RBFOX1: variants seen among roughly 807,000 people sequenced by gnomAD.
RBFOX1 encodes the protein RNA binding fox-1 homolog 1.
A neutral mutation model predicts 57.7 loss-of-function variants in RBFOX1; 8 were observed. The observed-to-expected ratio is 0.14, with a 90% CI of 0.08 to 0.25. The LOEUF (loss-of-function observed/expected upper bound fraction) is 0.25, where lower values mean the gene tolerates loss of function less well. Ranked by LOEUF, RBFOX1 falls within the 10% of genes least tolerant of loss-of-function variation. The probability of loss-of-function intolerance (pLI) is 1.00; values close to 1 mark genes in which losing one functional copy is unlikely to be tolerated. For synonymous variants in RBFOX1, 326 were observed against 222.4 expected (o/e 1.47, Z -4.15); for missense variants, 611 against 548.5 (o/e 1.11, Z -1.14).
chr16:5,558,508 A>T (rs556130375), intron 2 of RBFOX1, among the ~76,000 whole-genome samples: 4 of 152,134 alleles, frequency 2.6e-5, no homozygotes, highest in African/African-American at 9.7e-5. Context: ...TGTACCCTGT[A>T]CAAACTACCT....
intron 4 of RBFOX1, among the ~76,000 whole-genome samples, chr16:7,324,722 G>A (rs191529170): frequency 6.6e-6 from 1 of 152,316 alleles, no homozygotes; most frequent in South Asian, 2.1e-4. Context: ...ATGACTATCA[G>A]CAGGCTCCTC....
chr16:5,944,779 C>A, intron 4 of RBFOX1, among the ~76,000 whole-genome samples: 1 of 35,792 alleles, frequency 2.8e-5, no homozygotes, highest in South Asian at 9.6e-4. Flanking sequence ...TTGGTGAAAC[C>A]CTGTCTCTGC....
chr16:5,897,471 A>G (rs930654811), intron 4 of RBFOX1, among the ~76,000 whole-genome samples: 2 of 152,194 alleles, frequency 1.3e-5, no homozygotes, highest in African/African-American at 2.4e-5. Context: ...CATGGGAAAC[A>G]TATGAGTAGG....
chr16:6,029,634 G>A (rs376260265), intron 1 of RBFOX1, among the ~76,000 whole-genome samples: 1 of 152,006 alleles, frequency 6.6e-6, no homozygotes, highest in Non-Finnish European at 1.5e-5. Flanking sequence ...TTAGCCGGGC[G>A]TGGTGGCGGG....
chr16:5,432,949 C>T (rs1446134087), intron 1 of RBFOX1, among the ~76,000 whole-genome samples: 1 of 152,148 alleles, frequency 6.6e-6, no homozygotes, highest in East Asian at 1.9e-4. Flanking sequence ...CCACTCCTGG[C>T]TGATTTTTGT....
rs559802308 is a variant in RBFOX1 at position 6,689,476 on chromosome 16, C to T, written c.-16+34826C>T. On this transcript the variant is annotated intron_variant, in intron 3 of 15. Coordinates refer to ENST00000550418, the MANE Select transcript of RBFOX1 (RefSeq NM_018723.4). ...CTCATGTGTTTTAAATACTCATCTTCTAAGGCTGAGTAAGTGTATTTAATG... is the reference window on the plus strand; with the variant it reads ...CTCATGTGTTTTAAATACTCATCTTTTAAGGCTGAGTAAGTGTATTTAATG... Among the ~76,000 whole-genome samples, 3 of 152,222 alleles carry T rather than the reference C, an allele frequency of 2.0e-5. No homozygotes were observed. In the East Asian group the frequency reaches 5.8e-4, roughly 29 times the overall value.
At chr16:5,427,909 A>G (rs2067611565) in intron 1 of RBFOX1, among the ~76,000 whole-genome samples, 2 of 152,186 alleles carry the variant, frequency 1.3e-5, no homozygotes, top group Admixed American at 1.3e-4. Context: ...GGCCCAGCCA[A>G]CTTGATGTAC....
intron 3 of RBFOX1, among the ~76,000 whole-genome samples, chr16:5,821,603 C>T (rs777907280): frequency 9.2e-5 from 14 of 152,136 alleles, no homozygotes; most frequent in Non-Finnish European, 1.8e-4. Context: ...ATGTCTGGTT[C>T]TTTATTATTA....
chr16:7,332,862 G>T (rs1720522151), intron 4 of RBFOX1: 2 of 1,474,318 alleles, frequency 1.4e-6, no homozygotes, highest in Non-Finnish European at 1.8e-6. Context: ...TCCTCTCCCG[G>T]CGTTGATGAG....
intron 3 of RBFOX1, among the ~76,000 whole-genome samples, chr16:6,786,105 C>G (rs1479428699): frequency 6.6e-6 from 1 of 152,184 alleles, no homozygotes; most frequent in Non-Finnish European, 1.5e-5. Context: ...GGCTTTGTCA[C>G]TTTGGCAAAA....
intron 4 of RBFOX1, among the ~76,000 whole-genome samples, chr16:7,076,418 A>G (rs986244556): frequency 2.0e-5 from 3 of 152,152 alleles, no homozygotes; most frequent in Non-Finnish European, 4.4e-5. Flanking sequence ...GAAAAGACCA[A>G]GAAGAGTCCC....
At chr16:7,578,781 G>A (rs900981689) in intron 5 of RBFOX1, among the ~76,000 whole-genome samples, 3 of 152,154 alleles carry the variant, frequency 2.0e-5, no homozygotes, top group Non-Finnish European at 2.9e-5. Context: ...TAATTGCAGA[G>A]AAGTATCAAA....
At chr16:6,907,490 C>T (rs1377824842) in intron 3 of RBFOX1, among the ~76,000 whole-genome samples, 8 of 152,150 alleles carry the variant, frequency 5.3e-5, no homozygotes, top group African/African-American at 1.7e-4. Context: ...ATCAAGATGC[C>T]AGCAGGGGTG....
intron 2 of RBFOX1, among the ~76,000 whole-genome samples, chr16:6,634,725 A>G (rs1471163619): frequency 1.4e-5 from 2 of 143,044 alleles, no homozygotes; most frequent in African/African-American, 5.0e-5. Context: ...TATATAATAC[A>G]AAGATATATT....
At chr16:5,932,519 C>A (rs1156573065) in intron 4 of RBFOX1, among the ~76,000 whole-genome samples, 1 of 152,174 alleles carries the variant, frequency 6.6e-6, no homozygotes, top group African/African-American at 2.4e-5. Context: ...AGACATCTGC[C>A]CTTACAGAAC....
At chr16:6,235,699 C>A (rs545864308) in intron 1 of RBFOX1, among the ~76,000 whole-genome samples, 1 of 151,976 alleles carries the variant, frequency 6.6e-6, no homozygotes, top group African/African-American at 2.4e-5. Flanking sequence ...GAATTAATGG[C>A]ATTCACAGTG....
At chr16:6,315,553 AT>A in intron 1 of RBFOX1, among the ~76,000 whole-genome samples, 1 of 71,790 alleles carries the variant, frequency 1.4e-5, no homozygotes, top group Non-Finnish European at 3.7e-5. Context: ...GGATGGATGG[AT>A]GGATGGATGG....
chr16:7,588,892 C>T (rs2094284517), intron 7 of RBFOX1, among the ~76,000 whole-genome samples: 1 of 152,128 alleles, frequency 6.6e-6, no homozygotes, highest in African/African-American at 2.4e-5. Context: ...TCCTCCATGG[C>T]CAGAGTGATG....
rs77076877 is a variant in RBFOX1, at chr16:5,728,655, G to A, written c.318+129694G>A. Among the ~76,000 whole-genome samples the A allele has an allele frequency of 8.6e-3, 1,308 of 152,252 alleles. 15 individuals carry two copies. The highest frequency in any genetic ancestry group is 0.013 in the Non-Finnish European group (876 of 68,012). On this transcript the variant is annotated intron_variant, in intron 3 of 19. Coordinates refer to the RBFOX1 transcript ENST00000641259. ...CCCTCTGGGTTCCTGGGATGACTCC[G>A]TAGGTCACTCTGAGAATATCCTTCT...
Sources: allele counts gnomAD v4.1 joint callset (sites outside exome capture counted in the v4.1 genomes callset), GRCh38; gene constraint gnomAD v4.1.1; transcripts MANE v1.5; gene names NCBI Gene and HGNC (gene_info 2026-07-23, HGNC 2026-07-21).